TANGO6: variants seen among roughly 807,000 people sequenced by gnomAD.
TANGO6 encodes the protein transport and golgi organization 6 homolog, also known as transport and Golgi organization protein 6 homolog.
In TANGO6, 90 loss-of-function variants were observed where a neutral mutation model predicts 114.2. The ratio of observed to expected loss-of-function variants is 0.79; its 90% CI spans 0.66 to 0.94. The LOEUF is 0.94. Ranked by LOEUF, TANGO6 falls within the 40% of genes least tolerant of loss-of-function variation. The pLI is 0.00. For missense variants in TANGO6, 1,274 were observed against 1,315.3 expected (o/e 0.97, Z 0.49); for synonymous variants, 477 against 509.8 (o/e 0.94, Z 0.87).
chr16:69,037,696 G>A (rs1959711489), intron 16 of TANGO6, among the ~76,000 whole-genome samples: 1 of 152,204 alleles, frequency 6.6e-6, no homozygotes, highest in Non-Finnish European at 1.5e-5. Context: ...GCCTTAGGGT[G>A]GGGGGTCCCA....
intron 17 of TANGO6, among the ~76,000 whole-genome samples, chr16:69,049,753 T>TTTTATC (rs1333291749): frequency 6.6e-6 from 1 of 152,006 alleles, no homozygotes; most frequent in Non-Finnish European, 1.5e-5. Flanking sequence ...TTTTTTTCTT[T>TTTTATC]TTTATAAAGA....
intron 14 of TANGO6, among the ~76,000 whole-genome samples, chr16:68,966,514 A>T (rs753566790): frequency 6.7e-5 from 10 of 149,626 alleles, no homozygotes; most frequent in African/African-American, 2.5e-4. Flanking sequence ...AAAAAAAAAT[A>T]AAATAAAATA....
chr16:68,995,815 G>A (rs1385496485), intron 15 of TANGO6, among the ~76,000 whole-genome samples: 1 of 152,182 alleles, frequency 6.6e-6, no homozygotes, highest in Non-Finnish European at 1.5e-5. Flanking sequence ...TCAGAGATGT[G>A]GGGCAATCAG....
At chr16:68,851,934 C>T (rs1449604745) in intron 1 of TANGO6, among the ~76,000 whole-genome samples, 2 of 152,182 alleles carry the variant, frequency 1.3e-5, no homozygotes, top group Non-Finnish European at 2.9e-5. Flanking sequence ...ATCATATGTT[C>T]ATGTTTAAGG....
At position 69,084,099 on chromosome 16, in the gene TANGO6, G is replaced by C. The variant is rs1960505276; in HGVS notation, c.*438G>C. 1 of 154,040 alleles carries C rather than the reference G, an allele frequency of 6.5e-6. No individual in the cohort carries two copies. The highest frequency in any genetic ancestry group is 1.4e-5 in the Non-Finnish European group (1 of 69,232). The allele number at this position is 154,040 out of a possible 1,614,324, so 9.5% of individuals were successfully genotyped here. A position where few individuals can be genotyped will look rare whatever the true frequency, so the allele number is the denominator to read the frequency against. On this transcript the variant is annotated 3_prime_UTR_variant, in exon 18 of 18. Transcript: ENST00000261778. ...TTCAGGAAAATGAGGAGCAGAACTG[G>C]CCACCCTTGGCTGCTCAAGAGGCAT...
chr16:68,999,779 A>C (rs757602597), intron 15 of TANGO6, among the ~76,000 whole-genome samples: 2 of 152,250 alleles, frequency 1.3e-5, no homozygotes, highest in Non-Finnish European at 2.9e-5. Context: ...GCAAAAAATC[A>C]TAAAAAGATT....
intron 15 of TANGO6, among the ~76,000 whole-genome samples, chr16:68,979,357 G>A: frequency 6.6e-6 from 1 of 151,996 alleles, no homozygotes; most frequent in East Asian, 1.9e-4. Flanking sequence ...AGCCTCCCGA[G>A]TAGCTGGGAC....
At chr16:68,880,048 C>T (rs1398591470) in intron 6 of TANGO6, among the ~76,000 whole-genome samples, 1 of 152,112 alleles carries the variant, frequency 6.6e-6, no homozygotes, top group Non-Finnish European at 1.5e-5. Flanking sequence ...TCTCGGCTCA[C>T]TGCAACCTCC....
At chr16:68,987,692 A>C (rs1464118548) in intron 15 of TANGO6, among the ~76,000 whole-genome samples, 2 of 152,220 alleles carry the variant, frequency 1.3e-5, no homozygotes, top group Non-Finnish European at 2.9e-5. Context: ...ATATACTAAC[A>C]GATCTTTTCC....
At chr16:68,864,354 A>T (rs1304695796) in intron 3 of TANGO6, among the ~76,000 whole-genome samples, 1 of 152,072 alleles carries the variant, frequency 6.6e-6, no homozygotes, top group Non-Finnish European at 1.5e-5. Flanking sequence ...CAGGAGGATC[A>T]CTTGAGGTCA....
At chr16:68,920,439 A>T (rs1297173829) in intron 12 of TANGO6, among the ~76,000 whole-genome samples, 1 of 152,218 alleles carries the variant, frequency 6.6e-6, no homozygotes, top group African/African-American at 2.4e-5. Context: ...ACCAAGGGGA[A>T]GAGCATGCCT....
At chr16:68,847,367 C>G (rs1464716486) in intron 1 of TANGO6, among the ~76,000 whole-genome samples, 3 of 152,088 alleles carry the variant, frequency 2.0e-5, no homozygotes, top group Non-Finnish European at 2.9e-5. Flanking sequence ...GCCAGGTCCC[C>G]ATAGCATACT....
Position 68,927,592 on chromosome 16 carries a change from C to T in TANGO6, c.2152C>T (p.Leu718=). The change falls in exon 13 of 18, where the codon CTG becomes TTG. Residue 718 remains leucine (L), a synonymous_variant. Transcript: ENST00000261778. ...GTTGAAGTCAAGTGATTTTGCTGTT[C>T]TGAAGCAGTTGTTGCCTCTGTTGGA... ...VQLKSSDFAV[L]KQLLPLLEKV... is the part of the protein sequence containing the mutation. The T allele has an allele frequency of 1.9e-6, 3 of 1,613,522 alleles. No homozygotes were observed. Among genetic ancestry groups the T allele is most frequent in the Non-Finnish European group, 2.5e-6 (3 of 1,179,560 alleles).
intron 15 of TANGO6, among the ~76,000 whole-genome samples, chr16:69,012,386 A>G (rs375883725): frequency 2.0e-5 from 3 of 152,002 alleles, no homozygotes. Flanking sequence ...GAGAAACCCC[A>G]TCTCTACTAA....
At chr16:68,928,465 C>T (rs906483485) in intron 13 of TANGO6, among the ~76,000 whole-genome samples, 7 of 151,852 alleles carry the variant, frequency 4.6e-5, no homozygotes, top group East Asian at 1.9e-4. Flanking sequence ...CCACCACCCC[C>T]GGCTAATTTT....
chr16:68,935,421 C>T (rs1364146049), intron 14 of TANGO6, among the ~76,000 whole-genome samples: 2 of 152,154 alleles, frequency 1.3e-5, no homozygotes, highest in East Asian at 1.9e-4. Flanking sequence ...GAATAAAATA[C>T]AGCAGTTCAT....
intron 17 of TANGO6, among the ~76,000 whole-genome samples, chr16:69,083,239 T>A (rs932735946): frequency 1.3e-5 from 2 of 151,860 alleles, no homozygotes; most frequent in Admixed American, 6.6e-5. Context: ...TTTTGTATAT[T>A]TTGTAGAGAT....
chr16:68,965,540 G>A (rs984316933), intron 14 of TANGO6, among the ~76,000 whole-genome samples: 1 of 152,096 alleles, frequency 6.6e-6, no homozygotes, highest in Non-Finnish European at 1.5e-5. Flanking sequence ...GGTAGCTCAC[G>A]CCTGTAATCC....
intron 7 of TANGO6, among the ~76,000 whole-genome samples, chr16:68,897,816 G>C (rs1262977602): frequency 1.3e-5 from 2 of 152,086 alleles, no homozygotes; most frequent in Non-Finnish European, 2.9e-5. Context: ...AACCTCAGGT[G>C]ATCCACCCGC....
Sources: allele counts gnomAD v4.1 joint callset (sites outside exome capture counted in the v4.1 genomes callset), GRCh38; gene constraint gnomAD v4.1.1; transcripts MANE v1.5; gene names NCBI Gene and HGNC (gene_info 2026-07-23, HGNC 2026-07-21).